The following GLYR1 variants were observed in gnomAD, a reference collection of about 807,000 sequenced individuals.
GLYR1 encodes the protein cytokine-like nuclear factor N-PAC.
GLYR1 carries 21 observed loss-of-function variants against 72.7 expected under a neutral mutation model. The observed-to-expected ratio is 0.29, with a 90% confidence interval of 0.20 to 0.42. GLYR1 has a LOEUF of 0.42. Ranked by LOEUF, GLYR1 falls within the 10% of genes least tolerant of loss-of-function variation. GLYR1 has a pLI of 1.00. For missense variants in GLYR1, 594 were observed against 712.1 expected (o/e 0.83, Z 1.89); for synonymous variants, 392 against 270.2 (o/e 1.45, Z -4.42).
At chr16:4,818,649 G>A (rs2083805315) in intron 9 of GLYR1, among the ~76,000 whole-genome samples, 1 of 152,148 alleles carries the variant, frequency 6.6e-6, no homozygotes, top group Non-Finnish European at 1.5e-5. Context: ...TTAGAGCCAG[G>A]CAACTTCCTT....
At chr16:4,822,571 A>C (rs1259138587) in intron 7 of GLYR1, among the ~76,000 whole-genome samples, 1 of 152,048 alleles carries the variant, frequency 6.6e-6, no homozygotes, top group Non-Finnish European at 1.5e-5. Flanking sequence ...TTCTATTTTT[A>C]GTAGAGATGA....
At position 4,803,595 on chromosome 16, in the gene GLYR1, C is replaced by T. The variant is rs1328166713; in HGVS notation, c.*1641G>A. The T allele has an allele frequency of 2.0e-5, 3 of 151,270 alleles. No individual in the cohort carries two copies. Among genetic ancestry groups the T allele is most frequent in the Non-Finnish European group, 4.4e-5 (3 of 67,794 alleles). The allele number at this position is 151,270 out of a possible 1,614,324, so 9.4% of individuals were successfully genotyped here. ...CCCCGCCCCCACCCCCAGTGTGTTCCGCCAGGACTAGAACAGGCTTTGTGT... is the reference window on the plus strand; with the variant it reads ...CCCCGCCCCCACCCCCAGTGTGTTCTGCCAGGACTAGAACAGGCTTTGTGT... On this transcript the variant is annotated 3_prime_UTR_variant, in exon 16 of 16. Transcript: ENST00000321919.
At chr16:4,842,508 C>T (rs2085639948) in intron 3 of GLYR1, among the ~76,000 whole-genome samples, 1 of 151,982 alleles carries the variant, frequency 6.6e-6, no homozygotes, top group Admixed American at 6.6e-5. Context: ...TGCCACCATG[C>T]CTGGCTATTG....
chr16:4,825,586 T>G (rs2084327686), intron 5 of GLYR1, among the ~76,000 whole-genome samples: 1 of 152,202 alleles, frequency 6.6e-6, no homozygotes, highest in Non-Finnish European at 1.5e-5. Context: ...GACATCACAA[T>G]AAGTCCTATT....
chr16:4,843,085 T>A (rs1355380096), intron 3 of GLYR1, among the ~76,000 whole-genome samples: 1 of 152,206 alleles, frequency 6.6e-6, no homozygotes, highest in Non-Finnish European at 1.5e-5. Flanking sequence ...AATACTTGCT[T>A]TCTTATAAAT....
intron 9 of GLYR1, among the ~76,000 whole-genome samples, chr16:4,818,199 T>C (rs974019963): frequency 2.6e-5 from 4 of 152,202 alleles, no homozygotes; most frequent in Non-Finnish European, 4.4e-5. Flanking sequence ...TTCACCATGT[T>C]GGCCAGGCTG....
At chr16:4,817,031 C>T (rs1391546745) in intron 10 of GLYR1, among the ~76,000 whole-genome samples, 3 of 151,428 alleles carry the variant, frequency 2.0e-5, no homozygotes, top group Non-Finnish European at 4.4e-5. Flanking sequence ...GCAACCTCTG[C>T]CTCCCACATT....
intron 12 of GLYR1, among the ~76,000 whole-genome samples, 190 bp from the exon 13 acceptor site, chr16:4,812,438 C>T (rs573597886): frequency 6.6e-6 from 1 of 152,158 alleles, no homozygotes; most frequent in East Asian, 1.9e-4. Flanking sequence ...TCACACAGGC[C>T]GAATCACAGC....
At chr16:4,811,532 A>G in intron 14 of GLYR1, 91 bp downstream of exon 14, 2 of 1,474,194 alleles carry the variant, frequency 1.4e-6, no homozygotes, top group Non-Finnish European at 1.9e-6. Flanking sequence ...CTGACTGGGG[A>G]GGGGCATCTT....
At chr16:4,823,983 A>C in intron 5 of GLYR1, 76 bp from the exon 6 acceptor site, 1 of 1,236,128 alleles carries the variant, frequency 8.1e-7, no homozygotes, top group South Asian at 1.2e-5. Context: ...CCACAGTCTA[A>C]GGGAAAGTTC....
At position 4,812,304 on chromosome 16, in the gene GLYR1, C is replaced by T. The variant is rs1324378337; in HGVS notation, c.1120-56G>A. Reference sequence around the variant, plus strand: ...CTCCCCTCTCCCAGCGCTCTCTGGGCAGGACTCAAGGAGTGTTGCTGAGTG... The same window carrying T: ...CTCCCCTCTCCCAGCGCTCTCTGGGTAGGACTCAAGGAGTGTTGCTGAGTG... On this transcript the variant is annotated intron_variant, in intron 12 of 15. Transcript: ENST00000321919. 6 of 1,561,902 alleles carry T rather than the reference C, an allele frequency of 3.8e-6. No individual in the cohort carries two copies. In the Admixed American group the frequency reaches 1.1e-4, roughly 28 times the overall value.
intron 7 of GLYR1, among the ~76,000 whole-genome samples, chr16:4,821,984 G>A (rs1035306609): frequency 2.6e-5 from 4 of 152,220 alleles, no homozygotes; most frequent in African/African-American, 7.2e-5. Flanking sequence ...GCTTGAAGAT[G>A]TGTCTGCCAT....
At chr16:4,839,057 C>A (rs2085354952) in intron 3 of GLYR1, among the ~76,000 whole-genome samples, 1 of 152,136 alleles carries the variant, frequency 6.6e-6, no homozygotes, top group Non-Finnish European at 1.5e-5. Context: ...TGAACCCTCT[C>A]ACCTGTGTTT....
intron 12 of GLYR1, among the ~76,000 whole-genome samples, chr16:4,812,486 C>G (rs1671072537): frequency 6.6e-6 from 1 of 151,948 alleles, no homozygotes; most frequent in South Asian, 2.1e-4. Flanking sequence ...AGGAACCCAA[C>G]TGACTTGGAA....
At position 4,811,770 on chromosome 16, in the gene GLYR1, T is replaced by C; in HGVS notation, c.1315A>G (p.Ile439Val). ...EVGNAAKMML[I>V]VNMVQGSFMA... ...AAGCTCCCTTGGACCATGTTCACGATCAGCATCATCTTGGCTGCATTGCCC... is the reference window on the plus strand; with the variant it reads ...AAGCTCCCTTGGACCATGTTCACGACCAGCATCATCTTGGCTGCATTGCCC... Residue 439 changes from isoleucine (I) to valine (V), a missense_variant, in exon 14 of 16, where the codon ATC (isoleucine) becomes GTC (valine). By Grantham distance (29) the Ile-to-Val change is conservative. Transcript: ENST00000321919. 1 of 1,613,930 alleles carries C rather than the reference T, an allele frequency of 6.2e-7. No individual in the cohort carries two copies. The highest frequency in any genetic ancestry group is 8.5e-7 in the Non-Finnish European group (1 of 1,179,930).
chr16:4,805,204 G>A lies in GLYR1; in HGVS notation c.*32C>T. 2 of 1,595,500 alleles carry A rather than the reference G, an allele frequency of 1.3e-6. No homozygotes were observed. Among genetic ancestry groups the A allele is most frequent in the Non-Finnish European group, 1.7e-6 (2 of 1,163,892 alleles). Reference sequence around the variant, plus strand: ...GTGAGGAAGAGGGGGTCAGAGGGGGGATTGGAGGGGTGAGGGCGGGGTGTC... The same window carrying A: ...GTGAGGAAGAGGGGGTCAGAGGGGGAATTGGAGGGGTGAGGGCGGGGTGTC... On this transcript the variant is annotated 3_prime_UTR_variant, in exon 16 of 16. Coordinates refer to ENST00000321919, the MANE Select transcript of GLYR1 (RefSeq NM_032569.4).
At chr16:4,812,777 C>T (rs1011007897) in intron 12 of GLYR1, among the ~76,000 whole-genome samples, 1 of 151,596 alleles carries the variant, frequency 6.6e-6, no homozygotes, top group African/African-American at 2.4e-5. Context: ...AGGAGTGAGC[C>T]ACCACGCCTG....
In GLYR1 at chr16:4,825,346, T is replaced by C. The variant is rs966512162; in HGVS notation, c.538-1439A>G. ...TAGCTCGTTAGCACCCTGCTGGCTT[T>C]CCCCCCCGCACCAAACACACCAAGC... On this transcript the variant is annotated intron_variant, in intron 5 of 15. Coordinates refer to ENST00000321919, the MANE Select transcript of GLYR1 (RefSeq NM_032569.4). 7.9e-5 allele frequency among the ~76,000 whole-genome samples: 12 copies of C among 151,868 alleles called. No homozygotes were observed. The East Asian group carries it at 1.5e-3, about 20-fold the overall frequency.
Position 4,833,179 on chromosome 16 carries a change from G to T in GLYR1, c.156-267C>A, listed in dbSNP as rs185327544. On this transcript the variant is annotated intron_variant, in intron 3 of 15. Transcript: ENST00000321919. ...CCTCCAGTGAAAGCACTGTGTTGCA[G>T]ATTATTTATTTCCACAATCGTCTAT... 4.2e-5 allele frequency: 13 copies of T among 311,096 alleles called. No individual in the cohort carries two copies. In the Admixed American group the frequency reaches 5.6e-4, roughly 13 times the overall value. The allele number at this position is 311,096 out of a possible 1,614,324, so 19.3% of individuals were successfully genotyped here.
Sources: gnomAD v4.1 joint callset for allele counts (sites outside exome capture counted in the v4.1 genomes callset) on GRCh38, gnomAD v4.1.1 for gene constraint, MANE v1.5 for transcripts, NCBI Gene and HGNC (gene_info 2026-07-23, HGNC 2026-07-21) for gene names.